Variants in CLK1 observed in about 807,000 individuals in gnomAD.
The protein encoded by CLK1 is dual specificity protein kinase CLK1.
A neutral mutation model predicts 60.9 loss-of-function variants in CLK1; 40 were observed. That is an observed-to-expected ratio of 0.66 (90% confidence interval 0.51 to 0.86). The LOEUF is 0.86. CLK1 is among the 40% of genes least tolerant of loss of function. The probability of loss-of-function intolerance (pLI) is 0.00; values close to 1 mark genes in which losing one functional copy is unlikely to be tolerated. For synonymous variants in CLK1, 203 were observed against 184.4 expected (o/e 1.10, Z -0.82); for missense variants, 563 against 606.1 (o/e 0.93, Z 0.75).
chr2:200,857,828 A>G lies in CLK1; in HGVS notation c.722T>C (p.Phe241Ser). Residue 241 changes from phenylalanine (F) to serine (S), a missense_variant, in exon 7 of 13, where the codon TTT (phenylalanine) becomes TCT (serine). By Grantham distance (155) the Phe-to-Ser change is radical. Coordinates refer to ENST00000321356, the MANE Select transcript of CLK1 (RefSeq NM_004071.4). ...GTAAGTACTAAGTCCCAATAGTTCA[A>G]AAACAATGCAAATGTGACCATGATG... ...FEHHGHICIV[F>S]ELLGLSTYDF... The G allele has an allele frequency of 6.2e-6, 10 of 1,613,974 alleles. No individual in the cohort carries two copies. Among genetic ancestry groups the G allele is most frequent in the Non-Finnish European group, 8.5e-6 (10 of 1,179,894 alleles).
Position 200,854,648 on chromosome 2 carries a change from T to C in CLK1, c.1188A>G (p.Gly396=), listed in dbSNP as rs772148575. ...EHLAMMERIL[G]PLPKHMIQKT... Reference sequence around the variant, plus strand: ...TCTGTATCATATGTTTTGGTAGAGGTCCAAGAATCCTTTCCATCATTGCTA... The same window carrying C: ...TCTGTATCATATGTTTTGGTAGAGGCCCAAGAATCCTTTCCATCATTGCTA... Residue 396 remains glycine, a synonymous_variant, in exon 11 of 13, where the codon GGA becomes GGG. Coordinates refer to ENST00000321356, the MANE Select transcript of CLK1 (RefSeq NM_004071.4). The C allele has an allele frequency of 3.2e-5, 51 of 1,608,374 alleles. No homozygotes were observed. The Admixed American group carries it at 7.3e-4, about 23-fold the overall frequency.
intron 7 of CLK1, chr2:200,857,453 C>T (rs868294567): frequency 6.3e-6 from 2 of 317,906 alleles, no homozygotes; most frequent in African/African-American, 2.1e-5. Context: ...TTAATTTTTA[C>T]CCAGCATTCG....
intron 9 of CLK1, among the ~76,000 whole-genome samples, chr2:200,855,728 G>C (rs2039029796): frequency 6.6e-6 from 1 of 151,918 alleles, no homozygotes; most frequent in African/African-American, 2.4e-5. Context: ...AATATATATG[G>C]CCGGGCGCAG....
chr2:200,861,630 C>T (rs116395428), intron 2 of CLK1, 72 bp downstream of exon 2: 24,368 of 1,577,664 alleles, frequency 0.015, 270 homozygotes, highest in Middle Eastern at 0.044. Flanking sequence ...TAATCAGGTA[C>T]TTATTTTAAG....
At chr2:200,854,570 A>T in intron 11 of CLK1, 46 bp downstream of exon 11, 1 of 1,129,018 alleles carries the variant, frequency 8.9e-7, no homozygotes. Flanking sequence ...TAATCAGCAG[A>T]TGTGATCAAA....
chr2:200,864,483 AG>A, intron 1 of CLK1, 80 bp downstream of exon 1: 1 of 471,506 alleles, frequency 2.1e-6, no homozygotes, highest in South Asian at 3.4e-5. Flanking sequence ...GCAAACAAGC[AG>A]GAAAAGGGGG....
chr2:200,853,381 A>G lies in CLK1; in HGVS notation c.1380T>C (p.Tyr460=), dbSNP rs771716498. The G allele has an allele frequency of 2.5e-6, 4 of 1,613,350 alleles. No homozygotes were observed. Among genetic ancestry groups the G allele is most frequent in the Non-Finnish European group, 3.4e-6 (4 of 1,179,628 alleles). The part of the protein sequence containing the change: ...LFDLIQKMLE[Y]DPAKRITLRE... ...TGAGAGTAATTCTTTTGGCTGGATCATACTCCAACATTTTCTGAATGAGGT... is the reference window on the plus strand; with the variant it reads ...TGAGAGTAATTCTTTTGGCTGGATCGTACTCCAACATTTTCTGAATGAGGT... The change falls in exon 13 of 13, where the codon TAT becomes TAC. Residue 460 remains tyrosine (Y), a synonymous_variant. Coordinates refer to ENST00000321356, the MANE Select transcript of CLK1 (RefSeq NM_004071.4).
chr2:200,857,018 A>C (rs1559326844), intron 7 of CLK1, 33 bp from the exon 8 acceptor site: 1 of 1,563,126 alleles, frequency 6.4e-7, no homozygotes, highest in Admixed American at 1.7e-5. Context: ...TGTAATCAGA[A>C]AACACCAAAC....
rs984877752 is a variant in CLK1, at chr2:200,860,181, T to C, written c.425A>G (p.Glu142Gly). 4 of 1,614,180 alleles carry C rather than the reference T, an allele frequency of 2.5e-6. No homozygotes were observed. Among genetic ancestry groups the C allele is most frequent in the Non-Finnish European group, 3.4e-6 (4 of 1,180,036 alleles). ...GATCAGGTGACCCTCCTCATCATCC[T>C]CTACACTCCTGGTTCTTTTCCTTCG... ...SHRRKRTRSV[E>G]DDEEGHLICQ... The change falls in exon 4 of 13, where the codon GAG becomes GGG. Residue 142 changes from glutamate to glycine, a missense_variant. This residue lies in a region of CLK1 where 198 missense variants were observed against 179.2 expected (regional missense o/e 1.10). Coordinates refer to ENST00000321356, the MANE Select transcript of CLK1 (RefSeq NM_004071.4).
intron 1 of CLK1, among the ~76,000 whole-genome samples, chr2:200,863,653 T>C (rs977088902): frequency 9.9e-5 from 15 of 152,058 alleles, no homozygotes; most frequent in African/African-American, 3.6e-4. Context: ...AGGTCAACAG[T>C]TTGAGGCCAG....
intron 3 of CLK1, chr2:200,860,475 A>G: frequency 8.3e-7 from 1 of 1,203,920 alleles, no homozygotes; most frequent in Non-Finnish European, 1.0e-6. Context: ...GCAACAAAAC[A>G]TAATACAATT....
rs909271062 is a variant in CLK1, at chr2:200,857,666, T to A, written c.832+52A>T. 7 of 1,446,928 alleles carry A rather than the reference T, an allele frequency of 4.8e-6. No individual in the cohort carries two copies. The South Asian group carries it at 9.7e-5, about 20-fold the overall frequency. 89.6% of individuals were successfully genotyped at this position (1,446,928 alleles called of 1,614,324 possible). A position where few individuals can be genotyped will look rare whatever the true frequency, so the allele number is the denominator to read the frequency against. On this transcript the variant is annotated intron_variant, in intron 7 of 12. Coordinates refer to ENST00000321356, the MANE Select transcript of CLK1 (RefSeq NM_004071.4). ...TACACACTTAGGATGCACATTTTGA[T>A]ATGTGGAATGGATAAAACCAGCAAA...
rs1018789219 is a variant in CLK1, at chr2:200,853,899, T to C, written c.1311+4A>G. ...ACTATTTGAGCAATGTCTCAAAGGC[T>C]TACCTTCAGAGGTTTACAGCGTCTT... On this transcript the variant is annotated splice_donor_region_variant and intron_variant, in intron 12 of 12. Coordinates refer to ENST00000321356, the MANE Select transcript of CLK1 (RefSeq NM_004071.4). 3.1e-6 allele frequency: 5 copies of C among 1,602,226 alleles called. No homozygotes were observed. The African/African-American group carries it at 5.4e-5, about 17-fold the overall frequency.
At chr2:200,863,564 AG>A (rs2039178943) in intron 1 of CLK1, among the ~76,000 whole-genome samples, 1 of 151,154 alleles carries the variant, frequency 6.6e-6, no homozygotes, top group African/African-American at 2.4e-5. Context: ...GTCTCAAAAA[AG>A]AAAAAAAGGA....
At chr2:200,863,911 A>G (rs1317144224) in intron 1 of CLK1, among the ~76,000 whole-genome samples, 1 of 152,158 alleles carries the variant, frequency 6.6e-6, no homozygotes, top group Admixed American at 6.5e-5. Context: ...ATCGCATAAA[A>G]TTCTCGGTCA....
Position 200,861,550 on chromosome 2 carries a change from C to T in CLK1, c.162-84G>A, listed in dbSNP as rs747707176. On this transcript the variant is annotated intron_variant, in intron 2 of 12. Coordinates refer to ENST00000321356, the MANE Select transcript of CLK1 (RefSeq NM_004071.4). ...TCTTCAAGACAGCACCTAGACTCCC[C>T]CACAAGCAGCTTAATTTTACAAACA... 11 of 1,562,502 alleles carry T rather than the reference C, an allele frequency of 7.0e-6. No homozygotes were observed. In the Admixed American group the frequency reaches 1.7e-4, roughly 24 times the overall value.
chr2:200,856,629 T>G, intron 9 of CLK1, 53 bp downstream of exon 9: 1 of 1,498,990 alleles, frequency 6.7e-7, no homozygotes, highest in African/African-American at 1.4e-5. Context: ...CTAAAAAAAT[T>G]TTAAGTCTCA....
Position 200,861,415 on chromosome 2 carries a change from G to C in CLK1, c.213C>G (p.Arg71=). 1 of 1,614,080 alleles carries C rather than the reference G, an allele frequency of 6.2e-7. No homozygotes were observed. The highest frequency in any genetic ancestry group is 8.5e-7 in the Non-Finnish European group (1 of 1,180,018). Residue 71 remains arginine, a synonymous_variant, in exon 3 of 13, where the codon CGC becomes CGG. Transcript: ENST00000321356. The part of the protein sequence containing the change: ...SINEKDYHSR[R]YIDEYRNDYT... The stretch of plus-strand genomic sequence containing the variant: ...AGTCATTTCTGTACTCATCAATGTA[G>C]CGTCGACTATGATAATCTTTCTCAT...
chr2:200,853,111 A>G lies in CLK1; in HGVS notation c.*195T>C, dbSNP rs1428412928. 2.3e-6 allele frequency: 1 copy of G among 435,170 alleles called. No homozygotes were observed. 27.0% of individuals were successfully genotyped at this position (435,170 alleles called of 1,614,324 possible). ...AAGCACAAAAAATTTATTCTGAATA[A>G]ATCACTTTACAATTACTGAAAAAGA... On this transcript the variant is annotated 3_prime_UTR_variant, in exon 13 of 13. Coordinates refer to ENST00000321356, the MANE Select transcript of CLK1 (RefSeq NM_004071.4).
Sources: gnomAD v4.1 joint callset for allele counts (sites outside exome capture counted in the v4.1 genomes callset) on GRCh38, gnomAD v4.1.1 for gene constraint, gnomAD v4.1.1 regional missense constraint, MANE v1.5 for transcripts, NCBI Gene and HGNC (gene_info 2026-07-23, HGNC 2026-07-21) for gene names.